The following KSR1 variants were observed in gnomAD, a reference collection of about 807,000 sequenced individuals.
KSR1 encodes the protein kinase suppressor of ras.
Under a neutral mutation model 92.9 loss-of-function variants are expected in KSR1, and 35 were observed. That is an observed-to-expected ratio of 0.38 (90% CI 0.29 to 0.50). KSR1 has a LOEUF of 0.50. KSR1 is among the 20% of genes least tolerant of loss of function. The probability of loss-of-function intolerance (pLI) is 0.94; values close to 1 mark genes in which losing one functional copy is unlikely to be tolerated. For missense variants in KSR1, 972 were observed against 1,158.5 expected, an observed-to-expected ratio of 0.84 and a Z score of 2.34; for synonymous variants, 467 against 472.6, an observed-to-expected ratio of 0.99 and a Z score of 0.15.
intron 15 of KSR1, 89 bp from the exon 16 acceptor site, chr17:27,609,107 C>A: frequency 7.0e-7 from 1 of 1,418,730 alleles, no homozygotes; most frequent in Non-Finnish European, 9.6e-7. Flanking sequence ...TTGTGAAGAT[C>A]AAATATGGGG....
intron 1 of KSR1, among the ~76,000 whole-genome samples, chr17:27,469,409 A>C (rs1011414035): frequency 1.3e-5 from 2 of 152,106 alleles, no homozygotes; most frequent in African/African-American, 4.8e-5. Context: ...CACAATCGTG[A>C]TGTCACTATG....
Position 27,582,876 on chromosome 17 carries a change from T to C in KSR1, c.751T>C (p.Cys251Arg). The C allele has an allele frequency of 1.2e-6, 2 of 1,611,618 alleles. No individual in the cohort carries two copies. The highest frequency in any genetic ancestry group is 2.2e-5 in the South Asian group (2 of 90,942). Residue 251 changes from cysteine to arginine, a missense_variant, in exon 4 of 21, where the codon TGT becomes CGT. Around this residue, in one of 5 missense-constraint regions of KSR1, gnomAD observed 611 missense variants for 668.0 expected, o/e 0.91. Coordinates refer to ENST00000644974, the MANE Select transcript of KSR1 (RefSeq NM_001394583.1). ...CTTCAGTGAGGGCCTCTCAGACACC[T>C]GTATTCCCCTGCACGCCAGCGGCCG... The part of the protein sequence containing the change: ...PSFSEGLSDT[C>R]IPLHASGRLT...
intron 4 of KSR1, 23 bp from the exon 5 acceptor site, chr17:27,585,632 CCT>C (rs2072938192): frequency 2.6e-6 from 2 of 759,910 alleles, no homozygotes; most frequent in Admixed American, 3.6e-5. Context: ...ACGTAATCCC[CCT>C]CTCTGCTTTT....
At chr17:27,576,077 T>C (rs536786541) in intron 2 of KSR1, among the ~76,000 whole-genome samples, 202 of 152,270 alleles carry the variant, frequency 1.3e-3, no homozygotes, top group African/African-American at 4.6e-3. Context: ...CTACTTTTTT[T>C]CCCAGAGGCC....
chr17:27,547,651 C>A (rs1390856412), intron 1 of KSR1, among the ~76,000 whole-genome samples: 2 of 152,138 alleles, frequency 1.3e-5, no homozygotes, highest in Admixed American at 6.5e-5. Context: ...CAGAGTCTTG[C>A]TCTGTCACCC....
chr17:27,524,290 T>C (rs57862880), intron 1 of KSR1, among the ~76,000 whole-genome samples: 64,795 of 151,548 alleles, frequency 0.43, 14,920 homozygotes, highest in African/African-American at 0.6. Context: ...AGTGAGAACA[T>C]GGACTCTGGG....
At chr17:27,485,381 C>T (rs550564897) in intron 1 of KSR1, among the ~76,000 whole-genome samples, 46 of 152,276 alleles carry the variant, frequency 3.0e-4, no homozygotes, top group African/African-American at 8.9e-4. Context: ...CTGGCTTGCA[C>T]GCTCCCATTC....
chr17:27,606,710 G>C (rs2073765083), intron 14 of KSR1, among the ~76,000 whole-genome samples: 1 of 151,486 alleles, frequency 6.6e-6, no homozygotes, highest in Non-Finnish European at 1.5e-5. Context: ...TCCTGGAGTG[G>C]AGTAGAGTTG....
At chr17:27,537,551 C>T (rs912317316) in intron 1 of KSR1, among the ~76,000 whole-genome samples, 4 of 152,042 alleles carry the variant, frequency 2.6e-5, no homozygotes, top group African/African-American at 4.8e-5. Flanking sequence ...TTTAGCTGAG[C>T]GTGGTGGCGG....
chr17:27,460,116 G>T lies in KSR1; in HGVS notation c.231+3242G>T, dbSNP rs573245256. On this transcript the variant is annotated intron_variant, in intron 1 of 20. Coordinates refer to ENST00000644974, the MANE Select transcript of KSR1 (RefSeq NM_001394583.1). ...TGGCAGGAGCTGGTGTTCTGTCTCCGCTAGACCCTCCTAGGGGTCTGAAAA... is the reference window on the plus strand; with the variant it reads ...TGGCAGGAGCTGGTGTTCTGTCTCCTCTAGACCCTCCTAGGGGTCTGAAAA... Among the ~76,000 whole-genome samples, 25 of 152,232 alleles carry T rather than the reference G, an allele frequency of 1.6e-4. 1 individual carries two copies. The South Asian group carries it at 4.8e-3, about 29-fold the overall frequency.
At chr17:27,556,546 C>T (rs1392717408) in intron 2 of KSR1, among the ~76,000 whole-genome samples, 1 of 152,186 alleles carries the variant, frequency 6.6e-6, no homozygotes, top group Non-Finnish European at 1.5e-5. Context: ...ATGAGACTCT[C>T]ATTCCAGGTG....
At chr17:27,547,482 C>A (rs2151081819) in intron 1 of KSR1, among the ~76,000 whole-genome samples, 1 of 152,374 alleles carries the variant, frequency 6.6e-6, no homozygotes, top group African/African-American at 2.4e-5. Flanking sequence ...CAGTAGGAAT[C>A]ACAGTTGTGG....
intron 1 of KSR1, among the ~76,000 whole-genome samples, chr17:27,523,385 T>A (rs1436989253): frequency 6.9e-6 from 1 of 144,384 alleles, no homozygotes; most frequent in Non-Finnish European, 1.5e-5. Flanking sequence ...TCTGTAAGGT[T>A]AAAAAAAAAA....
chr17:27,490,412 G>A (rs557144364), intron 1 of KSR1, among the ~76,000 whole-genome samples: 34 of 152,124 alleles, frequency 2.2e-4, no homozygotes, highest in African/African-American at 7.7e-4. Context: ...GAAGATGAAC[G>A]GAACCTTAGA....
chr17:27,562,006 C>T (rs923891064), intron 2 of KSR1, among the ~76,000 whole-genome samples: 1 of 152,136 alleles, frequency 6.6e-6, no homozygotes, highest in Non-Finnish European at 1.5e-5. Context: ...CCACCACACC[C>T]GGCTAATTTT....
intron 18 of KSR1, among the ~76,000 whole-genome samples, chr17:27,613,601 G>T (rs2073980771): frequency 6.6e-6 from 1 of 152,180 alleles, no homozygotes; most frequent in Non-Finnish European, 1.5e-5. Context: ...AAGACCCTGT[G>T]CAGGTTCCCT....
At chr17:27,498,827 A>G (rs919174973) in intron 1 of KSR1, among the ~76,000 whole-genome samples, 2 of 152,004 alleles carry the variant, frequency 1.3e-5, no homozygotes, top group African/African-American at 4.8e-5. Context: ...GCAGGTGGAG[A>G]CTCACTGGCT....
At chr17:27,481,444 G>A (rs894398027) in intron 1 of KSR1, among the ~76,000 whole-genome samples, 1 of 152,178 alleles carries the variant, frequency 6.6e-6, no homozygotes, top group African/African-American at 2.4e-5. Context: ...TAAGTTCATA[G>A]CACATACGTG....
chr17:27,468,267 G>T (rs1224272700), intron 1 of KSR1, among the ~76,000 whole-genome samples: 1 of 151,518 alleles, frequency 6.6e-6, no homozygotes, highest in Non-Finnish European at 1.5e-5. Flanking sequence ...ATGGAGCCTG[G>T]CTGTGTTGCC....
Sources: allele counts gnomAD v4.1 joint callset (sites outside exome capture counted in the v4.1 genomes callset), GRCh38; gene constraint gnomAD v4.1.1; regional missense constraint gnomAD v4.1.1; transcripts MANE v1.5; gene names NCBI Gene and HGNC (gene_info 2026-07-23, HGNC 2026-07-21).